Variants in DIAPH2 observed in about 807,000 individuals in gnomAD.
DIAPH2 encodes protein diaphanous homolog 2.
In DIAPH2, 35 loss-of-function variants were observed where a neutral mutation model predicts 92.7. The observed-to-expected ratio is 0.38, with a 90% CI of 0.29 to 0.50. The LOEUF (loss-of-function observed/expected upper bound fraction) is 0.50, where lower values mean the gene tolerates loss of function less well. DIAPH2 is among the 20% of genes least tolerant of loss of function. DIAPH2 has a pLI of 0.94. For missense variants in DIAPH2, 701 were observed against 819.5 expected (o/e 0.86, Z 1.77); for synonymous variants, 301 against 280.4 (o/e 1.07, Z -0.73).
chrX:96,696,626 C>T (rs1275527497), intron 1 of DIAPH2, among the ~76,000 whole-genome samples: 1 of 111,822 alleles, frequency 8.9e-6, no homozygotes, highest in Non-Finnish European at 1.9e-5. Flanking sequence ...ATGAATTGTA[C>T]GGAAGGTAAT....
chrX:96,725,648 T>G (rs1444988065), intron 1 of DIAPH2, among the ~76,000 whole-genome samples: 1 of 111,826 alleles, frequency 8.9e-6, no homozygotes, highest in Non-Finnish European at 1.9e-5. Flanking sequence ...GCTAAACAAC[T>G]GCTATACAAG....
At chrX:97,571,675 C>G (rs186692522) in intron 26 of DIAPH2, among the ~76,000 whole-genome samples, 50 of 110,109 alleles carry the variant, frequency 4.5e-4, no homozygotes, top group Admixed American at 4.2e-3. Context: ...GTTTTTGCTT[C>G]CATCTCTGAA....
intron 19 of DIAPH2, among the ~76,000 whole-genome samples, chrX:97,090,345 T>C (rs2066815932): frequency 1.2e-5 from 1 of 82,582 alleles, no homozygotes; most frequent in Non-Finnish European, 2.2e-5. Flanking sequence ...GAGAAAGAGC[T>C]CTGGGGCAGT....
At chrX:97,470,260 TTTAAA>T (rs2070551221) in intron 26 of DIAPH2, among the ~76,000 whole-genome samples, 1 of 111,647 alleles carries the variant, frequency 9.0e-6, no homozygotes, top group Non-Finnish European at 1.9e-5. Flanking sequence ...TTTTAGTATA[TTTAAA>T]TTAATCCATA....
At chrX:96,774,282 G>T (rs1024106506) in intron 4 of DIAPH2, among the ~76,000 whole-genome samples, 4 of 111,697 alleles carry the variant, frequency 3.6e-5, no homozygotes, top group African/African-American at 6.5e-5. Flanking sequence ...TCAGGCAGTT[G>T]TGGATAATAA....
intron 26 of DIAPH2, among the ~76,000 whole-genome samples, chrX:97,436,160 T>C (rs2070184561): frequency 8.9e-6 from 1 of 111,840 alleles, no homozygotes; most frequent in Non-Finnish European, 1.9e-5. Context: ...TATTGCCAAA[T>C]AGCTATAGAT....
chrX:96,821,870 A>G (rs2064780245), intron 4 of DIAPH2, among the ~76,000 whole-genome samples: 1 of 111,856 alleles, frequency 8.9e-6, no homozygotes, highest in Non-Finnish European at 1.9e-5. Flanking sequence ...CACTTTGGAA[A>G]CACTTTAAAG....
chrX:96,785,475 C>CTTTTT (rs1157552270), intron 4 of DIAPH2, among the ~76,000 whole-genome samples: 11 of 57,201 alleles, frequency 1.9e-4, no homozygotes, highest in African/African-American at 3.4e-4. Context: ...CCAAACTTGC[C>CTTTTT]TTTTTTTTTT....
intron 23 of DIAPH2, among the ~76,000 whole-genome samples, chrX:97,302,662 T>C (rs2068717012): frequency 8.9e-6 from 1 of 111,914 alleles, no homozygotes; most frequent in Non-Finnish European, 1.9e-5. Context: ...TTTCTGATGA[T>C]AAGCTTGCTA....
At chrX:97,500,763 GATATATATAT>G (rs56041649) in intron 26 of DIAPH2, among the ~76,000 whole-genome samples, 1,725 of 60,055 alleles carry the variant, frequency 0.029, 50 homozygotes, top group African/African-American at 0.091. Flanking sequence ...CATTCAAGGA[GATATATATAT>G]ATATATATAT....
chrX:96,867,048 C>G (rs2065108922), intron 4 of DIAPH2, among the ~76,000 whole-genome samples: 1 of 111,748 alleles, frequency 8.9e-6, no homozygotes, highest in Non-Finnish European at 1.9e-5. Context: ...AAAAGTAATG[C>G]CATCATATTG....
At chrX:96,724,876 T>G (rs1418959974) in intron 1 of DIAPH2, among the ~76,000 whole-genome samples, 1 of 112,032 alleles carries the variant, frequency 8.9e-6, no homozygotes, top group Non-Finnish European at 1.9e-5. Flanking sequence ...GGGTTAGTGC[T>G]TGGGTTGCTT....
intron 9 of DIAPH2, 23 bp downstream of exon 9, chrX:96,918,640 T>G (rs1038154962): frequency 8.6e-6 from 9 of 1,043,231 alleles, no homozygotes; most frequent in Non-Finnish European, 1.2e-5. Context: ...TGTCTTAAAT[T>G]GCTTCTAGAG....
intron 4 of DIAPH2, among the ~76,000 whole-genome samples, chrX:96,861,324 C>A (rs773135205): frequency 6.2e-5 from 7 of 112,013 alleles, no homozygotes; most frequent in Admixed American, 1.9e-4. Flanking sequence ...TCTTTGCTTT[C>A]TCCACCTCAG....
At chrX:97,242,392 T>A (rs2068103407) in intron 22 of DIAPH2, among the ~76,000 whole-genome samples, 1 of 109,270 alleles carries the variant, frequency 9.2e-6, no homozygotes, top group African/African-American at 3.3e-5. Context: ...GAGACAGAGT[T>A]TCACTCTGTC....
At chrX:97,556,766 C>T (rs1167533564) in intron 26 of DIAPH2, among the ~76,000 whole-genome samples, 1 of 112,170 alleles carries the variant, frequency 8.9e-6, no homozygotes, top group African/African-American at 3.2e-5. Context: ...ACAACAGGTA[C>T]CTTTTTTGTA....
chrX:97,142,244 G>C (rs2067213141), intron 22 of DIAPH2, among the ~76,000 whole-genome samples: 1 of 111,598 alleles, frequency 9.0e-6, no homozygotes, highest in Non-Finnish European at 1.9e-5. Context: ...AATGCTGCAG[G>C]AAAAGATAAT....
At chrX:96,994,319 C>T (rs1370827568) in intron 17 of DIAPH2, among the ~76,000 whole-genome samples, 1 of 111,385 alleles carries the variant, frequency 9.0e-6, no homozygotes, top group East Asian at 2.8e-4. Flanking sequence ...AATATGATTC[C>T]CACGTGTCTT....
intron 4 of DIAPH2, among the ~76,000 whole-genome samples, chrX:96,832,438 A>T (rs1434564229): frequency 9.0e-6 from 1 of 111,028 alleles, no homozygotes; most frequent in Non-Finnish European, 1.9e-5. Context: ...AGAAATAGAT[A>T]GGTTATTTTC....
Sources: gnomAD v4.1 joint callset for allele counts (sites outside exome capture counted in the v4.1 genomes callset) on GRCh38, gnomAD v4.1.1 for gene constraint, MANE v1.5 for transcripts, NCBI Gene and HGNC (gene_info 2026-07-23, HGNC 2026-07-21) for gene names.